Variants in NELL1 observed in about 807,000 individuals in gnomAD.
NELL1 encodes the protein neural EGFL like 1.
Under a neutral mutation model 107.4 loss-of-function variants are expected in NELL1, and 76 were observed. The ratio of observed to expected loss-of-function variants is 0.71; its 90% CI spans 0.59 to 0.86. NELL1 has a LOEUF of 0.86. Ranked by LOEUF, NELL1 falls within the 40% of genes least tolerant of loss-of-function variation. The pLI is 0.00. For synonymous variants in NELL1, 353 were observed against 341.2 expected, an observed-to-expected ratio of 1.03 and a Z score of -0.38; for missense variants, 1,024 against 1,005.5, an observed-to-expected ratio of 1.02 and a Z score of -0.25.
chr11:21,422,639 GATGTTAA>G (rs1288508012), intron 15 of NELL1, among the ~76,000 whole-genome samples: 1 of 152,056 alleles, frequency 6.6e-6, no homozygotes, highest in African/African-American at 2.4e-5. Context: ...AAAAGTTTAG[GATGTTAA>G]ATGTAATACT....
intron 16 of NELL1, among the ~76,000 whole-genome samples, chr11:21,558,830 G>A (rs2133999288): frequency 6.6e-6 from 1 of 152,172 alleles, no homozygotes; most frequent in East Asian, 1.9e-4. Context: ...ACTCCTTTTA[G>A]TTGAGAAGAA....
chr11:21,360,982 A>G (rs1851062774), intron 14 of NELL1, among the ~76,000 whole-genome samples: 1 of 152,164 alleles, frequency 6.6e-6, no homozygotes, highest in Non-Finnish European at 1.5e-5. Context: ...GATGTGAGGT[A>G]CTGTTCTATT....
chr11:20,685,896 A>G (rs962694140), intron 2 of NELL1, among the ~76,000 whole-genome samples: 4 of 152,062 alleles, frequency 2.6e-5, no homozygotes, highest in Non-Finnish European at 4.4e-5. Context: ...TAAAATAGGT[A>G]CTATTATTAC....
At chr11:20,946,467 C>A (rs1850964217) in intron 10 of NELL1, among the ~76,000 whole-genome samples, 1 of 152,126 alleles carries the variant, frequency 6.6e-6, no homozygotes, top group Non-Finnish European at 1.5e-5. Context: ...ACCAAAAAGA[C>A]CTTGGATGAA....
chr11:20,951,266 C>T (rs74791860), intron 11 of NELL1, among the ~76,000 whole-genome samples: 300 of 152,112 alleles, frequency 2.0e-3, no homozygotes, highest in Non-Finnish European at 3.4e-3. Context: ...AACTTATTTC[C>T]TCAAGTTATA....
intron 15 of NELL1, among the ~76,000 whole-genome samples, chr11:21,423,118 G>C (rs1258771079): frequency 2.0e-5 from 3 of 152,162 alleles, no homozygotes; most frequent in Admixed American, 1.3e-4. Context: ...TGTAAACCCA[G>C]CACTTTGGGA....
intron 15 of NELL1, among the ~76,000 whole-genome samples, chr11:21,404,014 C>CT (rs1554905754): frequency 6.0e-5 from 7 of 116,448 alleles, no homozygotes; most frequent in African/African-American, 1.6e-4. Context: ...AACCCCCCCC[C>CT]CCGCAATCAA....
At chr11:20,757,132 T>C (rs1590266057) in intron 2 of NELL1, among the ~76,000 whole-genome samples, 1 of 152,224 alleles carries the variant, frequency 6.6e-6, no homozygotes, top group South Asian at 2.1e-4. Context: ...CCCTTTCTCT[T>C]TTCTCTGGCT....
chr11:21,349,159 T>C (rs71488781), intron 14 of NELL1, among the ~76,000 whole-genome samples: 17,723 of 151,846 alleles, frequency 0.12, 1,342 homozygotes, highest in East Asian at 0.17. Flanking sequence ...AAAGAGAAAA[T>C]AACAAGAGGA....
chr11:21,015,088 A>G (rs1481235838), intron 12 of NELL1, among the ~76,000 whole-genome samples: 1 of 152,024 alleles, frequency 6.6e-6, no homozygotes, highest in East Asian at 1.9e-4. Flanking sequence ...TTCTTAAGGT[A>G]ACTGTCTTTT....
chr11:20,778,571 G>T (rs2133977176), intron 2 of NELL1, among the ~76,000 whole-genome samples: 1 of 123,040 alleles, frequency 8.1e-6, no homozygotes, highest in Non-Finnish European at 1.6e-5. Context: ...CTTTAAAAAT[G>T]ACTAGGTAGA....
Sources: gnomAD v4.1 joint callset for allele counts (sites outside exome capture counted in the v4.1 genomes callset) on GRCh38, gnomAD v4.1.1 for gene constraint, MANE v1.5 for transcripts, NCBI Gene and HGNC (gene_info 2026-07-23, HGNC 2026-07-21) for gene names.